TIAM1: variants seen among roughly 807,000 people sequenced by gnomAD.
The protein encoded by TIAM1 is rho guanine nucleotide exchange factor TIAM1.
TIAM1 carries 65 observed loss-of-function variants against 163.5 expected under a neutral mutation model. The ratio of observed to expected loss-of-function variants is 0.40; its 90% CI spans 0.33 to 0.49. The LOEUF (loss-of-function observed/expected upper bound fraction) is 0.49. Ranked by LOEUF, TIAM1 falls within the 20% of genes least tolerant of loss-of-function variation. TIAM1 has a pLI of 0.77. For missense variants in TIAM1, 1,789 were observed against 2,044.7 expected (o/e 0.87, Z 2.41); for synonymous variants, 833 against 810.1 (o/e 1.03, Z -0.48).
intron 2 of TIAM1, among the ~76,000 whole-genome samples, chr21:31,417,442 A>G (rs2043410883): frequency 6.6e-6 from 1 of 152,196 alleles, no homozygotes; most frequent in Non-Finnish European, 1.5e-5. Context: ...AGGCAAAAGG[A>G]AAAAATGAGA....
intron 2 of TIAM1, among the ~76,000 whole-genome samples, chr21:31,447,639 T>C (rs1199856053): frequency 6.6e-6 from 1 of 152,166 alleles, no homozygotes; most frequent in Non-Finnish European, 1.5e-5. Context: ...GTGAAGAGAC[T>C]GTGGCTCACG....
In TIAM1 at chr21:31,289,363, G is replaced by A. The variant is rs1196272987; in HGVS notation, c.-188-12455C>T. Among the ~76,000 whole-genome samples the A allele has an allele frequency of 5.3e-5, 8 of 152,260 alleles. No individual in the cohort carries two copies. The South Asian group carries it at 1.7e-3, about 32-fold the overall frequency. On this transcript the variant is annotated intron_variant, in intron 2 of 27. Transcript: ENST00000541036. ...TTAGGTGGATGGTCTGGAAGTTTTTGTGCTCCCTACGCCTGGAAAGAAGTC... is the reference window on the plus strand; with the variant it reads ...TTAGGTGGATGGTCTGGAAGTTTTTATGCTCCCTACGCCTGGAAAGAAGTC...
Position 31,423,374 on chromosome 21 carries a change from A to C in TIAM1, c.-369+40609T>G, listed in dbSNP as rs1433575781. On this transcript the variant is annotated intron_variant, in intron 2 of 28. Transcript: ENST00000286827. ...CGGCCTCCCAAAGCGCTGGGATTAC[A>C]GGCGTGAGCCACCGCGCCCAGCCTG... Among the ~76,000 whole-genome samples the C allele has an allele frequency of 2.0e-5, 3 of 152,224 alleles. No individual in the cohort carries two copies. In the East Asian group the frequency reaches 5.8e-4, roughly 29 times the overall value.
intron 1 of TIAM1, among the ~76,000 whole-genome samples, chr21:31,471,314 C>T (rs950799654): frequency 1.3e-5 from 2 of 152,154 alleles, no homozygotes; most frequent in African/African-American, 4.8e-5. Flanking sequence ...GCGGCCCCCT[C>T]CCACTAGGCT....
chr21:31,378,616 A>G (rs970898430), intron 2 of TIAM1, among the ~76,000 whole-genome samples: 1 of 152,030 alleles, frequency 6.6e-6, no homozygotes, highest in Non-Finnish European at 1.5e-5. Context: ...TTTTACTCCC[A>G]TTTCTACTTG....
chr21:31,556,193 G>A (rs1007389853), intron 1 of TIAM1, among the ~76,000 whole-genome samples: 5 of 152,156 alleles, frequency 3.3e-5, no homozygotes, highest in African/African-American at 1.2e-4. Context: ...ACAAGTACAA[G>A]AAGGATGAGA....
intron 2 of TIAM1, among the ~76,000 whole-genome samples, chr21:31,374,066 C>A (rs1053224251): frequency 5.9e-5 from 9 of 152,070 alleles, no homozygotes; most frequent in Non-Finnish European, 1.0e-4. Flanking sequence ...CCCCTGAAAC[C>A]ACCAGCCATG....
intron 10 of TIAM1, among the ~76,000 whole-genome samples, chr21:31,210,615 G>A (rs1187569355): frequency 2.5e-4 from 7 of 27,476 alleles, no homozygotes; most frequent in African/African-American, 1.2e-3. Context: ...GGAAGGAAGG[G>A]AGAAAGAAAG....
intron 2 of TIAM1, among the ~76,000 whole-genome samples, chr21:31,353,829 A>ATTTTTTTTTTT (rs2076272212): frequency 3.0e-5 from 2 of 67,228 alleles, no homozygotes; most frequent in Non-Finnish European, 6.2e-5. Flanking sequence ...TTATTTATTT[A>ATTTTTTTTTTT]TTTATCTTTT....
At chr21:31,404,697 T>C (rs1329469276) in intron 2 of TIAM1, among the ~76,000 whole-genome samples, 1 of 152,138 alleles carries the variant, frequency 6.6e-6, no homozygotes, top group Non-Finnish European at 1.5e-5. Flanking sequence ...GTGACTTGCA[T>C]TGTGCCAATT....
At position 31,201,813 on chromosome 21, in the gene TIAM1, A is replaced by G. The variant is rs559487316; in HGVS notation, c.2493+1095T>C. Reference sequence around the variant, plus strand: ...GAACAGAGAGAGCACAGGAACTCCAAAATAGAGGCGCCTTGCTCCCAAAAT... The same window carrying G: ...GAACAGAGAGAGCACAGGAACTCCAGAATAGAGGCGCCTTGCTCCCAAAAT... On this transcript the variant is annotated intron_variant, in intron 12 of 27. Coordinates refer to ENST00000541036, the MANE Select transcript of TIAM1 (RefSeq NM_001353694.2). Among the ~76,000 whole-genome samples the G allele has an allele frequency of 5.9e-5, 9 of 152,318 alleles. No individual in the cohort carries two copies. The South Asian group carries it at 8.3e-4, about 14-fold the overall frequency.
intron 1 of TIAM1, among the ~76,000 whole-genome samples, chr21:31,476,983 A>G (rs1447594638): frequency 6.6e-6 from 1 of 152,250 alleles, no homozygotes; most frequent in Non-Finnish European, 1.5e-5. Flanking sequence ...TCAACTAAGT[A>G]AACACTAACC....
At chr21:31,271,962 A>G (rs1360890707) in intron 3 of TIAM1, among the ~76,000 whole-genome samples, 4 of 152,170 alleles carry the variant, frequency 2.6e-5, no homozygotes, top group Non-Finnish European at 4.4e-5. Flanking sequence ...TTTAAATCCC[A>G]CCAAATTAAA....
intron 1 of TIAM1, among the ~76,000 whole-genome samples, chr21:31,539,664 G>A (rs1404904019): frequency 6.6e-6 from 1 of 152,152 alleles, no homozygotes; most frequent in Non-Finnish European, 1.5e-5. Flanking sequence ...ATGAGAAGGG[G>A]GAGGGCAATG....
chr21:31,210,802 G>GAAAGAA (rs1555891416), intron 10 of TIAM1, among the ~76,000 whole-genome samples: 1 of 145,126 alleles, frequency 6.9e-6, no homozygotes, highest in South Asian at 2.1e-4. Context: ...AAGAAAGAAA[G>GAAAGAA]AAAGAAAGAA....
In TIAM1 at chr21:31,242,811, T is replaced by A. The variant is rs7280153; in HGVS notation, c.1584+2677A>T. Among the ~76,000 whole-genome samples the A allele has an allele frequency of 7.9e-3, 1,022 of 128,790 alleles. 11 individuals carry two copies. The highest frequency in any genetic ancestry group is 0.028 in the African/African-American group (964 of 34,054). The allele number at this position is 128,790 out of a possible 152,430, so 84.5% of individuals were successfully genotyped here. A position where few individuals can be genotyped will look rare whatever the true frequency, so the allele number is the denominator to read the frequency against. ...TGTCTCAGAAAAGTCAGATCCAAAA[T>A]CAGTGCACCACTGCACTGCAGCCTG... On this transcript the variant is annotated intron_variant, in intron 6 of 27. Coordinates refer to ENST00000541036, the MANE Select transcript of TIAM1 (RefSeq NM_001353694.2).
intron 2 of TIAM1, among the ~76,000 whole-genome samples, chr21:31,296,831 T>C (rs984955299): frequency 6.6e-6 from 1 of 152,070 alleles, no homozygotes; most frequent in Non-Finnish European, 1.5e-5. Context: ...GCCCAGCTAA[T>C]TTTTTGTATT....
intron 14 of TIAM1, among the ~76,000 whole-genome samples, chr21:31,185,707 C>G (rs1282546796): frequency 6.7e-6 from 1 of 149,300 alleles, no homozygotes; most frequent in Non-Finnish European, 1.5e-5. Flanking sequence ...TAATTATATA[C>G]TATTACACAC....
At position 31,312,373 on chromosome 21, in the gene TIAM1, G is replaced by C. The variant is rs1191945298; in HGVS notation, c.-189+26870C>G. ...CCATGAGAGTTAAGCACATAATACT[G>C]GTCTTGGAAGGGAAACAATATAACA... is the stretch of plus-strand genomic sequence containing the variant. On this transcript the variant is annotated intron_variant, in intron 2 of 27. Transcript: ENST00000541036. Among the ~76,000 whole-genome samples the C allele has an allele frequency of 2.0e-5, 3 of 152,056 alleles. No individual in the cohort carries two copies. In the East Asian group the frequency reaches 5.8e-4, roughly 29 times the overall value.
Sources: gnomAD v4.1 joint callset for allele counts (sites outside exome capture counted in the v4.1 genomes callset) on GRCh38, gnomAD v4.1.1 for gene constraint, MANE v1.5 for transcripts, NCBI Gene and HGNC (gene_info 2026-07-23, HGNC 2026-07-21) for gene names.